Variants in ZNF804A observed in about 807,000 individuals in gnomAD.
ZNF804A encodes zinc finger protein 804A.
A neutral mutation model predicts 16.5 loss-of-function variants in ZNF804A; 2 were observed. That is an observed-to-expected ratio of 0.12 (90% confidence interval 0.05 to 0.38). The LOEUF (loss-of-function observed/expected upper bound fraction) is 0.38, where lower values mean the gene tolerates loss of function less well. ZNF804A is among the 10% of genes least tolerant of loss of function. ZNF804A has a pLI of 0.99. For synonymous variants in ZNF804A, 534 were observed against 489.6 expected, an observed-to-expected ratio of 1.09 and a Z score of -1.20; for missense variants, 1,473 against 1,390.7, an observed-to-expected ratio of 1.06 and a Z score of -0.94.
chr2:184,724,293 G>A (rs1427337576), intron 1 of ZNF804A, among the ~76,000 whole-genome samples: 1 of 151,658 alleles, frequency 6.6e-6, no homozygotes, highest in South Asian at 2.1e-4. Flanking sequence ...ACCGCATGTA[G>A]AATATATGTA....
At chr2:184,895,235 TGTGA>T (rs1264375003) in intron 2 of ZNF804A, among the ~76,000 whole-genome samples, 4 of 151,980 alleles carry the variant, frequency 2.6e-5, no homozygotes, top group Admixed American at 6.6e-5. Context: ...GGTGTGTGTG[TGTGA>T]GAGAGAGAGA....
chr2:184,819,215 A>C (rs2369589), intron 1 of ZNF804A, among the ~76,000 whole-genome samples: 21,076 of 151,980 alleles, frequency 0.14, 1,578 homozygotes, highest in Middle Eastern at 0.23. Context: ...ATTAAAAAAA[A>C]AGTCTGTCAG....
chr2:184,656,688 A>G (rs1692078989), intron 1 of ZNF804A, among the ~76,000 whole-genome samples: 1 of 151,912 alleles, frequency 6.6e-6, no homozygotes, highest in African/African-American at 2.4e-5. Context: ...ATATACATAT[A>G]TACACACACA....
At chr2:184,934,631 A>G (rs1559007622) in intron 3 of ZNF804A, among the ~76,000 whole-genome samples, 2 of 152,120 alleles carry the variant, frequency 1.3e-5, no homozygotes, top group Non-Finnish European at 2.9e-5. Context: ...AAAAAATTAT[A>G]CAAATTTTAA....
intron 1 of ZNF804A, among the ~76,000 whole-genome samples, chr2:184,775,940 A>G (rs1411783767): frequency 6.6e-6 from 1 of 151,614 alleles, no homozygotes; most frequent in Non-Finnish European, 1.5e-5. Context: ...CTCCAGAAGA[A>G]TTTTGCTTAG....
intron 1 of ZNF804A, among the ~76,000 whole-genome samples, chr2:184,725,772 T>C (rs1049987843): frequency 2.0e-5 from 3 of 151,506 alleles, no homozygotes; most frequent in Non-Finnish European, 4.4e-5. Context: ...ATGCTACCCC[T>C]TTATCCCCTT....
At chr2:184,639,635 T>A (rs942009250) in intron 1 of ZNF804A, among the ~76,000 whole-genome samples, 6 of 152,176 alleles carry the variant, frequency 3.9e-5, no homozygotes. Flanking sequence ...GTTGTCATGA[T>A]TAAGACATTT....
chr2:184,607,825 A>G (rs1224012943), intron 1 of ZNF804A, among the ~76,000 whole-genome samples: 3 of 151,910 alleles, frequency 2.0e-5, no homozygotes, highest in African/African-American at 7.3e-5. Flanking sequence ...AGTTATGTCA[A>G]TGTCCACCAG....
At chr2:184,795,219 C>G (rs1222457380) in intron 1 of ZNF804A, among the ~76,000 whole-genome samples, 3 of 152,096 alleles carry the variant, frequency 2.0e-5, no homozygotes, top group Non-Finnish European at 4.4e-5. Context: ...GTATCAAGCA[C>G]TCTCCCAGAC....
At chr2:184,669,487 A>T (rs551718890) in intron 1 of ZNF804A, among the ~76,000 whole-genome samples, 1 of 152,120 alleles carries the variant, frequency 6.6e-6, no homozygotes, top group Non-Finnish European at 1.5e-5. Flanking sequence ...AAGTTAAAAC[A>T]TGAAAGGCAA....
intron 1 of ZNF804A, among the ~76,000 whole-genome samples, chr2:184,610,261 TA>T (rs1334980931): frequency 1.3e-5 from 2 of 152,192 alleles, no homozygotes; most frequent in African/African-American, 4.8e-5. Flanking sequence ...TTGACAACTG[TA>T]AAAAATAACT....
chr2:184,936,538 A>T lies in ZNF804A; in HGVS notation c.1142A>T (p.Lys381Met), dbSNP rs1320835523. 1.9e-6 allele frequency: 3 copies of T among 1,614,062 alleles called. No individual in the cohort carries two copies. The highest frequency in any genetic ancestry group is 4.5e-5 in the East Asian group (2 of 44,818). The change falls in exon 4 of 4, where the codon AAG becomes ATG. Residue 381 changes from lysine to methionine, a missense_variant. Lys to Met is a moderately conservative substitution (Grantham distance 95, BLOSUM62 -1). Transcript: ENST00000302277. ...CAAGCTACCACAGAGGAAAATGTTA[A>T]GCATAACGAGGCATCCACAACTGAG... ...SVQATTEENV[K>M]HNEASTTEVE... is the part of the protein sequence containing the mutation.
At chr2:184,923,634 A>G (rs1457471465) in intron 2 of ZNF804A, among the ~76,000 whole-genome samples, 1 of 152,042 alleles carries the variant, frequency 6.6e-6, no homozygotes, top group Non-Finnish European at 1.5e-5. Context: ...TCCAGATCAC[A>G]AAGAAAAGGT....
At chr2:184,651,482 T>A (rs1004480245) in intron 1 of ZNF804A, among the ~76,000 whole-genome samples, 6 of 151,696 alleles carry the variant, frequency 4.0e-5, no homozygotes, top group East Asian at 3.9e-4. Context: ...AGCAAAAAAA[T>A]TATCAATAGA....
At chr2:184,918,347 C>T (rs1183532795) in intron 2 of ZNF804A, among the ~76,000 whole-genome samples, 4 of 152,116 alleles carry the variant, frequency 2.6e-5, no homozygotes, top group Non-Finnish European at 5.9e-5. Flanking sequence ...GGAACTAAGA[C>T]TTCTAGACCA....
intron 1 of ZNF804A, among the ~76,000 whole-genome samples, chr2:184,710,411 T>C (rs1191333943): frequency 6.6e-6 from 1 of 151,606 alleles, no homozygotes; most frequent in Admixed American, 6.6e-5. Flanking sequence ...ATACCATATA[T>C]ATATATTTAT....
At chr2:184,872,705 A>G (rs915282564) in intron 2 of ZNF804A, among the ~76,000 whole-genome samples, 1 of 152,214 alleles carries the variant, frequency 6.6e-6, no homozygotes, top group African/African-American at 2.4e-5. Context: ...CTCAGATTCA[A>G]CAAAGCTTTT....
chr2:184,785,801 A>G (rs919047631), intron 1 of ZNF804A, among the ~76,000 whole-genome samples: 1 of 152,140 alleles, frequency 6.6e-6, no homozygotes, highest in Admixed American at 6.6e-5. Context: ...ATGCATACAC[A>G]TATACCTGTA....
intron 1 of ZNF804A, among the ~76,000 whole-genome samples, chr2:184,616,827 T>C (rs538330132): frequency 1.3e-5 from 2 of 152,288 alleles, no homozygotes; most frequent in African/African-American, 4.8e-5. Context: ...TTCTAAATCT[T>C]AATATCTGTG....
Sources: gnomAD v4.1 joint callset for allele counts (sites outside exome capture counted in the v4.1 genomes callset) on GRCh38, gnomAD v4.1.1 for gene constraint, MANE v1.5 for transcripts, NCBI Gene and HGNC (gene_info 2026-07-23, HGNC 2026-07-21) for gene names.